AUTS2: variants seen among roughly 807,000 people sequenced by gnomAD.
The protein encoded by AUTS2 is autism susceptibility gene 2 protein.
A neutral mutation model predicts 112.4 loss-of-function variants in AUTS2; 17 were observed. That is an observed-to-expected ratio of 0.15 (90% CI 0.10 to 0.23). The LOEUF is 0.23. AUTS2 is among the 10% of genes least tolerant of loss of function. The pLI is 1.00. For missense variants in AUTS2, 1,510 were observed against 1,701.6 expected, an observed-to-expected ratio of 0.89 and a Z score of 1.98; for synonymous variants, 751 against 702.7, an observed-to-expected ratio of 1.07 and a Z score of -1.09.
chr7:69,698,188 C>T (rs553367886), intron 1 of AUTS2, among the ~76,000 whole-genome samples: 1 of 152,212 alleles, frequency 6.6e-6, no homozygotes, highest in African/African-American at 2.4e-5. Flanking sequence ...TAATTTTAAG[C>T]ACAATAAAAT....
At chr7:70,192,018 G>A (rs187237736) in intron 4 of AUTS2, among the ~76,000 whole-genome samples, 6 of 152,184 alleles carry the variant, frequency 3.9e-5, no homozygotes, top group Admixed American at 3.9e-4. Context: ...TAGTCACTTG[G>A]TTTAAATGCC....
chr7:70,256,103 A>G (rs1289036775), intron 4 of AUTS2, among the ~76,000 whole-genome samples: 1 of 152,142 alleles, frequency 6.6e-6, no homozygotes, highest in African/African-American at 2.4e-5. Flanking sequence ...GTGTTCTCCT[A>G]CTACACAGAG....
At chr7:70,407,542 G>T (rs1177993348) in intron 4 of AUTS2, among the ~76,000 whole-genome samples, 1 of 152,166 alleles carries the variant, frequency 6.6e-6, no homozygotes, top group Non-Finnish European at 1.5e-5. Flanking sequence ...GTGTGTTTGT[G>T]TACATGCCCG....
At chr7:69,804,000 C>G (rs1414254617) in intron 1 of AUTS2, among the ~76,000 whole-genome samples, 2 of 152,188 alleles carry the variant, frequency 1.3e-5, no homozygotes, top group African/African-American at 2.4e-5. Flanking sequence ...CCACAGCACT[C>G]TAGCCTGGGT....
rs564483631 is a variant in AUTS2 at position 69,813,039 on chromosome 7, A to G, written c.310-86247A>G. On this transcript the variant is annotated intron_variant, in intron 1 of 18. Transcript: ENST00000342771. The stretch of plus-strand genomic sequence containing the variant: ...TCCCATTTCACTAAGAATGCAATTC[A>G]AAGACCTTACTTACCATGGCCTACA... Among the ~76,000 whole-genome samples, 35 of 152,308 alleles carry G rather than the reference A, an allele frequency of 2.3e-4. No individual in the cohort carries two copies. In the East Asian group the frequency reaches 6.0e-3, roughly 26 times the overall value.
At chr7:70,332,349 G>A (rs1053797166) in intron 4 of AUTS2, among the ~76,000 whole-genome samples, 2 of 152,158 alleles carry the variant, frequency 1.3e-5, no homozygotes, top group Non-Finnish European at 2.9e-5. Flanking sequence ...CATGCTCATG[G>A]ATAGGAAGAA....
chr7:70,098,113 T>C (rs1804296146), intron 2 of AUTS2, among the ~76,000 whole-genome samples: 1 of 152,172 alleles, frequency 6.6e-6, no homozygotes, highest in Non-Finnish European at 1.5e-5. Context: ...CCCAGTATAA[T>C]TTAAGGTATT....
chr7:70,197,071 T>A (rs1431182146), intron 4 of AUTS2, among the ~76,000 whole-genome samples: 1 of 152,218 alleles, frequency 6.6e-6, no homozygotes, highest in Non-Finnish European at 1.5e-5. Flanking sequence ...TGTATACATA[T>A]ACATTCTCTT....
intron 2 of AUTS2, among the ~76,000 whole-genome samples, chr7:70,070,855 G>A (rs1802729074): frequency 2.0e-5 from 3 of 149,864 alleles, no homozygotes; most frequent in South Asian, 4.2e-4. Flanking sequence ...TCTAGCCCGG[G>A]CGACACAGGG....
rs116493266 is a variant in AUTS2, at chr7:69,995,228, G to A, written c.522+95730G>A. On this transcript the variant is annotated intron_variant, in intron 2 of 18. Transcript: ENST00000342771. ...AATATAGCTGTAATTATATATCCTCGTTCTTGTTACTCTCTCCCCATCTAA... is the reference window on the plus strand; with the variant it reads ...AATATAGCTGTAATTATATATCCTCATTCTTGTTACTCTCTCCCCATCTAA... Among the ~76,000 whole-genome samples, 1,358 of 152,064 alleles carry A rather than the reference G, an allele frequency of 8.9e-3. 23 individuals are homozygous for A. The highest frequency in any genetic ancestry group is 0.031 in the African/African-American group (1,276 of 41,504).
chr7:70,783,494 T>C (rs1167038585), intron 15 of AUTS2: 3 of 152,204 alleles, frequency 2.0e-5, no homozygotes, highest in African/African-American at 7.2e-5. Context: ...ACCCCTACGT[T>C]TAATCCATTT....
In AUTS2 at chr7:70,351,838, A is replaced by T. The variant is rs542702553; in HGVS notation, c.661-83914A>T. ...TGCCTCAGCCTCCCACGTAGCTGGGATTACAGGTGCCTGCTAGCACACCCA... is the reference window on the plus strand; with the variant it reads ...TGCCTCAGCCTCCCACGTAGCTGGGTTTACAGGTGCCTGCTAGCACACCCA... On this transcript the variant is annotated intron_variant, in intron 4 of 18. Coordinates refer to ENST00000342771, the MANE Select transcript of AUTS2 (RefSeq NM_015570.4). 2.6e-5 allele frequency among the ~76,000 whole-genome samples: 4 copies of T among 152,022 alleles called. No homozygotes were observed. In the East Asian group the frequency reaches 5.8e-4, roughly 22 times the overall value.
chr7:70,179,383 G>A (rs192881349), intron 4 of AUTS2, among the ~76,000 whole-genome samples: 47 of 152,260 alleles, frequency 3.1e-4, no homozygotes, highest in Admixed American at 2.4e-3. Flanking sequence ...GTGATTATCC[G>A]AAGGTGTTAC....
At chr7:70,158,848 TATAA>T (rs1308555672) in intron 4 of AUTS2, among the ~76,000 whole-genome samples, 1 of 152,188 alleles carries the variant, frequency 6.6e-6, no homozygotes, top group Non-Finnish European at 1.5e-5. Context: ...GCAATAAATA[TATAA>T]ATAATCATCT....
At chr7:70,085,684 A>C (rs982960711) in intron 2 of AUTS2, among the ~76,000 whole-genome samples, 8 of 152,124 alleles carry the variant, frequency 5.3e-5, no homozygotes, top group African/African-American at 1.9e-4. Context: ...ACATACTTCT[A>C]TACAGTTGTT....
At chr7:69,612,053 G>T (rs1006122834) in intron 1 of AUTS2, among the ~76,000 whole-genome samples, 2 of 151,058 alleles carry the variant, frequency 1.3e-5, no homozygotes, top group Admixed American at 6.6e-5. Context: ...TTCAAAACTA[G>T]AATTAATTTT....
intron 5 of AUTS2, among the ~76,000 whole-genome samples, chr7:70,530,043 T>G (rs1289773779): frequency 6.6e-6 from 1 of 152,162 alleles, no homozygotes; most frequent in Non-Finnish European, 1.5e-5. Flanking sequence ...GGAGCCATGA[T>G]GTATTACCAC....
At chr7:70,219,373 T>C (rs1015769383) in intron 4 of AUTS2, among the ~76,000 whole-genome samples, 2 of 152,156 alleles carry the variant, frequency 1.3e-5, no homozygotes, top group African/African-American at 4.8e-5. Flanking sequence ...CTGTCGCTCA[T>C]GCGTTCTCCA....
chr7:69,946,188 C>T (rs1796802182), intron 2 of AUTS2, among the ~76,000 whole-genome samples: 1 of 152,076 alleles, frequency 6.6e-6, no homozygotes, highest in Non-Finnish European at 1.5e-5. Flanking sequence ...TGAGATCATA[C>T]AGTGTTTGTA....
Sources: allele counts gnomAD v4.1 joint callset (sites outside exome capture counted in the v4.1 genomes callset), GRCh38; gene constraint gnomAD v4.1.1; transcripts MANE v1.5; gene names NCBI Gene and HGNC (gene_info 2026-07-23, HGNC 2026-07-21).